Variants in SAMD5 observed in about 807,000 individuals in gnomAD.
SAMD5 encodes the protein sterile alpha motif domain-containing protein 5.
A neutral mutation model predicts 11.3 loss-of-function variants in SAMD5; 13 were observed. That is an observed-to-expected ratio of 1.15 (90% CI 0.75 to 1.83). The LOEUF is 1.83. SAMD5 is among the 40% of genes most tolerant of loss of function. The pLI, the probability that SAMD5 is intolerant of heterozygous loss-of-function variation, is 0.00. For synonymous variants in SAMD5, 129 were observed against 111.3 expected, an observed-to-expected ratio of 1.16 and a Z score of -1.00; for missense variants, 255 against 239.1, an observed-to-expected ratio of 1.07 and a Z score of -0.44.
the SAMD5 span, among the ~76,000 whole-genome samples, chr6:147,813,983 A>C: frequency 6.6e-6 from 1 of 152,066 alleles, no homozygotes; most frequent in Admixed American, 6.6e-5. Flanking sequence ...AGTTGTGTTT[A>C]CTCTATTCTT....
chr6:147,649,843 T>C lies in SAMD5; in HGVS notation c.163-87474T>C, dbSNP rs76979061. On this transcript the variant is annotated intron_variant, in intron 1 of 1. Coordinates refer to the SAMD5 transcript ENST00000566741. ...GGTGGAAAAAAGCCACCTGAAACTT[T>C]ACCAGCTGGGCAAGAACATGGCTCA... Among the ~76,000 whole-genome samples the C allele has an allele frequency of 7.2e-3, 1,087 of 151,566 alleles. 13 individuals are homozygous for C. The highest frequency in any genetic ancestry group is 0.025 in the African/African-American group (1,039 of 41,372).
intron 1 of SAMD5, among the ~76,000 whole-genome samples, chr6:147,596,733 T>A (rs1018528833): frequency 3.3e-5 from 5 of 152,238 alleles, no homozygotes; most frequent in Admixed American, 6.5e-5. Flanking sequence ...GTTATTTTTT[T>A]AAAATTTACT....
At chr6:147,796,787 C>G in the SAMD5 span, among the ~76,000 whole-genome samples, 1 of 151,540 alleles carries the variant, frequency 6.6e-6, no homozygotes. Flanking sequence ...CTTCACATCC[C>G]TTGTAAGTTG....
chr6:147,575,357 T>G (rs1481352433), intron 1 of SAMD5, among the ~76,000 whole-genome samples: 1 of 152,238 alleles, frequency 6.6e-6, no homozygotes, highest in Non-Finnish European at 1.5e-5. Flanking sequence ...CTGCAGAAAG[T>G]TTTCAGACAG....
At chr6:147,948,782 A>G in the SAMD5 span, among the ~76,000 whole-genome samples, 1 of 152,214 alleles carries the variant, frequency 6.6e-6, no homozygotes, top group South Asian at 2.1e-4. Context: ...TGAGCTTAAA[A>G]TGTTTTACTT....
At chr6:147,517,582 A>G (rs1002682534) in intron 1 of SAMD5, among the ~76,000 whole-genome samples, 2 of 152,214 alleles carry the variant, frequency 1.3e-5, no homozygotes, top group Non-Finnish European at 1.5e-5. Flanking sequence ...TAAAAATAAC[A>G]TTTCAAAATT....
chr6:147,905,179 C>T, the SAMD5 span, among the ~76,000 whole-genome samples: 2 of 151,906 alleles, frequency 1.3e-5, no homozygotes, highest in South Asian at 4.2e-4. Context: ...TGAGCCACTG[C>T]GCCCGGCCTT....
At chr6:147,937,619 C>T in the SAMD5 span, among the ~76,000 whole-genome samples, 137 of 152,210 alleles carry the variant, frequency 9.0e-4, 1 homozygote, top group African/African-American at 3.2e-3. Flanking sequence ...AAAAGAATTA[C>T]GTTTCAGGGG....
the SAMD5 span, among the ~76,000 whole-genome samples, chr6:147,748,757 T>C: frequency 1.3e-5 from 2 of 152,160 alleles, no homozygotes; most frequent in Admixed American, 1.3e-4. Context: ...GTCCATTGCA[T>C]TGATGGACAG....
intron 1 of SAMD5, among the ~76,000 whole-genome samples, chr6:147,714,892 G>T (rs1194147792): frequency 6.6e-6 from 1 of 152,110 alleles, no homozygotes; most frequent in African/African-American, 2.4e-5. Context: ...TGTATTGTGG[G>T]TCATTACTTA....
At chr6:147,741,035 A>T (rs926446472), downstream of SAMD5, among the ~76,000 whole-genome samples, 1 of 152,208 alleles carries the variant, frequency 6.6e-6, no homozygotes, top group Non-Finnish European at 1.5e-5. Flanking sequence ...TCAGGTATAC[A>T]TTCAAGTATT....
At chr6:147,842,887 G>A in the SAMD5 span, among the ~76,000 whole-genome samples, 1 of 152,094 alleles carries the variant, frequency 6.6e-6, no homozygotes, top group Non-Finnish European at 1.5e-5. Context: ...TTTTTTAGAA[G>A]GAGTCTCTGC....
intron 1 of SAMD5, among the ~76,000 whole-genome samples, chr6:147,697,881 G>T (rs559739049): frequency 1.4e-4 from 21 of 152,166 alleles, no homozygotes; most frequent in Non-Finnish European, 2.4e-4. Context: ...TCTATGTTTA[G>T]CTAAAAAAAC....
At chr6:147,845,925 A>T in the SAMD5 span, among the ~76,000 whole-genome samples, 1 of 152,204 alleles carries the variant, frequency 6.6e-6, no homozygotes, top group African/African-American at 2.4e-5. Flanking sequence ...CAAAGCATGG[A>T]TGTTCACAGA....
At chr6:147,705,125 A>G (rs1488317911) in intron 1 of SAMD5, among the ~76,000 whole-genome samples, 1 of 152,196 alleles carries the variant, frequency 6.6e-6, no homozygotes, top group East Asian at 1.9e-4. Flanking sequence ...TGGAGAAGGA[A>G]TAGATTTTGT....
intron 1 of SAMD5, among the ~76,000 whole-genome samples, chr6:147,551,742 C>G (rs576550955): frequency 2.3e-4 from 35 of 149,094 alleles, no homozygotes; most frequent in African/African-American, 5.7e-4. Context: ...TATTCGATCT[C>G]AAACGAAATG....
rs550517692 is a variant in SAMD5, at chr6:147,728,645, C to T, written c.163-8672C>T. 5.9e-5 allele frequency among the ~76,000 whole-genome samples: 9 copies of T among 152,050 alleles called. No homozygotes were observed. In the South Asian group the frequency reaches 6.2e-4, roughly 11 times the overall value. On this transcript the variant is annotated intron_variant, in intron 1 of 1. Transcript: ENST00000566741. ...TGACCCAGGTTCTTCAATAGACAAA[C>T]GAAAGAAAAGAAAGCAATAGAGGGA...
intron 1 of SAMD5, among the ~76,000 whole-genome samples, chr6:147,562,984 A>G (rs1369611345): frequency 6.6e-6 from 1 of 152,186 alleles, no homozygotes. Context: ...CGCAGTTTAT[A>G]ACAAGAGCTG....
At chr6:147,518,773 A>G (rs1309428456) in intron 1 of SAMD5, among the ~76,000 whole-genome samples, 1 of 152,224 alleles carries the variant, frequency 6.6e-6, no homozygotes, top group Non-Finnish European at 1.5e-5. Context: ...TACTACTAGT[A>G]TTGAGTTGAA....
Sources: allele counts gnomAD v4.1 joint callset (sites outside exome capture counted in the v4.1 genomes callset), GRCh38; gene constraint gnomAD v4.1.1; transcripts MANE v1.5; gene names NCBI Gene and HGNC (gene_info 2026-07-23, HGNC 2026-07-21).